Variants in NRIP1 observed in about 807,000 individuals in gnomAD.
The protein encoded by NRIP1 is nuclear receptor-interacting protein 1.
In NRIP1, 28 loss-of-function variants were observed where a neutral mutation model predicts 75.0. The observed-to-expected ratio is 0.37, with a 90% CI of 0.28 to 0.51. NRIP1 has a LOEUF of 0.51. NRIP1 is among the 20% of genes least tolerant of loss of function. The pLI is 0.92. For synonymous variants in NRIP1, 526 were observed against 487.6 expected (o/e 1.08, Z -1.04); for missense variants, 1,435 against 1,343.7 (o/e 1.07, Z -1.06).
At chr21:15,033,075 A>C (rs913009695) in intron 2 of NRIP1, among the ~76,000 whole-genome samples, 2 of 151,996 alleles carry the variant, frequency 1.3e-5, no homozygotes, top group Non-Finnish European at 1.5e-5. Flanking sequence ...AATACAAAAA[A>C]TTAGCTGGGC....
intron 1 of NRIP1, among the ~76,000 whole-genome samples, chr21:15,062,455 C>T (rs1380091279): frequency 6.6e-6 from 1 of 152,194 alleles, no homozygotes; most frequent in Non-Finnish European, 1.5e-5. Flanking sequence ...CTGATAACAA[C>T]GCAGAAGTCT....
At chr21:14,992,413 A>T (rs1264574052) in intron 3 of NRIP1, 1 of 152,174 alleles carries the variant, frequency 6.6e-6, no homozygotes, top group Non-Finnish European at 1.5e-5. Context: ...TTACCAATTC[A>T]GTCTGAGTGA....
In NRIP1 at chr21:14,964,426, T is replaced by C. The variant is rs2086666806; in HGVS notation, c.*290A>G. On this transcript the variant is annotated 3_prime_UTR_variant, in exon 4 of 4. Coordinates refer to ENST00000318948, the MANE Select transcript of NRIP1 (RefSeq NM_003489.4). The stretch of plus-strand genomic sequence containing the variant: ...ATGAATGGAGTTTTACATTTTAATT[T>C]ATGCCTAATATTTATAAAAGAATTT... 1 of 240,750 alleles carries C rather than the reference T, an allele frequency of 4.2e-6. No homozygotes were observed. The highest frequency in any genetic ancestry group is 5.0e-5 in the Admixed American group (1 of 19,972). 14.9% of individuals were successfully genotyped at this position (240,750 alleles called of 1,614,324 possible). A position where few individuals can be genotyped will look rare whatever the true frequency, so the allele number is the denominator to read the frequency against.
chr21:15,024,413 T>A (rs545543572), intron 2 of NRIP1, among the ~76,000 whole-genome samples: 7 of 151,534 alleles, frequency 4.6e-5, no homozygotes, highest in East Asian at 1.9e-4. Flanking sequence ...GTGGTGGCAG[T>A]CACCTGTAAT....
chr21:15,021,148 T>A (rs1167098637), intron 2 of NRIP1, among the ~76,000 whole-genome samples: 1 of 152,060 alleles, frequency 6.6e-6, no homozygotes, highest in Non-Finnish European at 1.5e-5. Flanking sequence ...AACCAAAAAC[T>A]GTAAACAAAA....
rs529377994 is a variant in NRIP1 at position 14,979,088 on chromosome 21, A to G, written c.-334-10562T>C. Among the ~76,000 whole-genome samples the G allele has an allele frequency of 8.5e-5, 13 of 152,354 alleles. No homozygotes were observed. The South Asian group carries it at 2.7e-3, about 32-fold the overall frequency. On this transcript the variant is annotated intron_variant, in intron 3 of 3. Transcript: ENST00000318948. ...ACTACCTTCTACTGTTATCAAAGAA[A>G]CAATAGTTTTTCTTAATGAACACAA...
intron 2 of NRIP1, among the ~76,000 whole-genome samples, chr21:15,016,614 G>A (rs568121196): frequency 6.6e-6 from 1 of 152,286 alleles, no homozygotes; most frequent in South Asian, 2.1e-4. Flanking sequence ...GCCGGGCGCA[G>A]TGGCTCACAC....
intron 3 of NRIP1, among the ~76,000 whole-genome samples, chr21:14,990,414 A>C (rs1189721469): frequency 6.6e-6 from 1 of 152,136 alleles, no homozygotes; most frequent in Non-Finnish European, 1.5e-5. Flanking sequence ...CTAATGCCCA[A>C]GTTTGGGTCA....
intron 2 of NRIP1, among the ~76,000 whole-genome samples, chr21:15,025,742 G>T (rs1030767380): frequency 5.3e-5 from 8 of 152,202 alleles, no homozygotes; most frequent in African/African-American, 1.9e-4. Flanking sequence ...TGATATTCCT[G>T]CTCAATATTC....
chr21:15,009,176 T>A (rs1293427985), intron 3 of NRIP1, among the ~76,000 whole-genome samples: 1 of 152,148 alleles, frequency 6.6e-6, no homozygotes, highest in East Asian at 1.9e-4. Flanking sequence ...GTGCAGAATG[T>A]CCCTAAGACC....
intron 3 of NRIP1, among the ~76,000 whole-genome samples, chr21:14,981,399 A>G (rs947985934): frequency 2.0e-5 from 3 of 152,236 alleles, no homozygotes; most frequent in African/African-American, 7.2e-5. Context: ...TCTGAGAACC[A>G]GTTCTGCTGT....
intron 3 of NRIP1, among the ~76,000 whole-genome samples, chr21:14,988,499 ATGTGTG>A (rs368052539): frequency 7.6e-6 from 1 of 131,320 alleles, no homozygotes; most frequent in African/African-American, 2.8e-5. Flanking sequence ...GTATATATAT[ATGTGTG>A]TGTGTGTGTG....
intron 2 of NRIP1, among the ~76,000 whole-genome samples, chr21:15,034,642 A>G (rs2045616303): frequency 6.6e-6 from 1 of 152,190 alleles, no homozygotes; most frequent in African/African-American, 2.4e-5. Flanking sequence ...CATCCAACAA[A>G]CATAATACAC....
intron 3 of NRIP1, chr21:14,992,839 T>A (rs557771543): frequency 2.6e-4 from 39 of 152,124 alleles, no homozygotes; most frequent in African/African-American, 9.2e-4. Flanking sequence ...TTAAGTGGAG[T>A]CCTGCATAAC....
chr21:15,044,179 G>C (rs2073820179), intron 1 of NRIP1, among the ~76,000 whole-genome samples: 1 of 151,952 alleles, frequency 6.6e-6, no homozygotes, highest in African/African-American at 2.4e-5. Context: ...GATGTAAAAA[G>C]TTAATGTCAA....
At chr21:15,011,987 T>G (rs1297737568) in intron 3 of NRIP1, among the ~76,000 whole-genome samples, 1 of 152,210 alleles carries the variant, frequency 6.6e-6, no homozygotes, top group Non-Finnish European at 1.5e-5. Flanking sequence ...AATATTCAAT[T>G]AATTACATCC....
At chr21:15,030,245 T>C (rs2088612718) in intron 2 of NRIP1, among the ~76,000 whole-genome samples, 1 of 152,356 alleles carries the variant, frequency 6.6e-6, no homozygotes, top group Admixed American at 6.5e-5. Flanking sequence ...ATTCATTAAC[T>C]GCCAATACTC....
At chr21:15,025,791 C>T (rs1480762860) in intron 2 of NRIP1, among the ~76,000 whole-genome samples, 1 of 152,050 alleles carries the variant, frequency 6.6e-6, no homozygotes, top group African/African-American at 2.4e-5. Flanking sequence ...GAAGACAACC[C>T]TAAAGGAAAA....
chr21:15,060,779 A>G (rs1470156763), intron 1 of NRIP1, among the ~76,000 whole-genome samples: 1 of 152,186 alleles, frequency 6.6e-6, no homozygotes, highest in African/African-American at 2.4e-5. Context: ...AAGAGAATAG[A>G]ATCCATTACC....
Sources: gnomAD v4.1 joint callset for allele counts (sites outside exome capture counted in the v4.1 genomes callset) on GRCh38, gnomAD v4.1.1 for gene constraint, MANE v1.5 for transcripts, NCBI Gene and HGNC (gene_info 2026-07-23, HGNC 2026-07-21) for gene names.